The following PCDH11X variants were observed in gnomAD, a reference collection of about 807,000 sequenced individuals.
PCDH11X encodes protocadherin 11 X-linked.
Under a neutral mutation model 53.3 loss-of-function variants are expected in PCDH11X, and 18 were observed. That is an observed-to-expected ratio of 0.34 (90% confidence interval 0.23 to 0.50). The LOEUF (loss-of-function observed/expected upper bound fraction) is 0.50, where lower values mean the gene tolerates loss of function less well. Ranked by LOEUF, PCDH11X falls within the 20% of genes least tolerant of loss-of-function variation. The probability of loss-of-function intolerance (pLI) is 0.98; values close to 1 mark genes in which losing one functional copy is unlikely to be tolerated. For synonymous variants in PCDH11X, 279 were observed against 393.3 expected (o/e 0.71, Z 3.44); for missense variants, 570 against 1,032.4 (o/e 0.55, Z 6.14).
At chrX:92,580,655 T>C (rs1470573706) in intron 10 of PCDH11X, among the ~76,000 whole-genome samples, 1 of 111,049 alleles carries the variant, frequency 9.0e-6, no homozygotes, top group Non-Finnish European at 1.9e-5. Context: ...GGGATCTCAG[T>C]CATTTAGGCA....
Position 92,620,504 on chromosome X carries a change from TCCTA to T in PCDH11X, c.*1565_*1568del, listed in dbSNP as rs1928405969. The T allele has an allele frequency of 9.2e-6, 1 of 108,930 alleles. No homozygotes were observed. The highest frequency in any genetic ancestry group is 3.3e-5 in the African/African-American group (1 of 29,981). The allele number at this position is 108,930 out of a possible 1,213,427, so 9.0% of individuals were successfully genotyped here. On this transcript the variant is annotated 3_prime_UTR_variant, in exon 11 of 11. Transcript: ENST00000682573. ...TGGGGTGGGGGGGGGAGTCAATATC[TCCTA>T]TTGATTAACTTAGACATAGATTTTG... is the stretch of plus-strand genomic sequence containing the variant.
chrX:92,472,219 G>A (rs1423346467), intron 10 of PCDH11X, among the ~76,000 whole-genome samples: 1 of 110,135 alleles, frequency 9.1e-6, no homozygotes, highest in African/African-American at 3.3e-5. Flanking sequence ...TATCTTCCAG[G>A]AATTTTATAG....
chrX:92,307,123 G>A (rs1242129217), intron 8 of PCDH11X, among the ~76,000 whole-genome samples: 1 of 111,036 alleles, frequency 9.0e-6, no homozygotes, highest in Non-Finnish European at 1.9e-5. Flanking sequence ...TGTAAGGTCA[G>A]TGTGATCCTG....
At chrX:92,378,086 A>G (rs1348999672) in intron 8 of PCDH11X, among the ~76,000 whole-genome samples, 1 of 104,786 alleles carries the variant, frequency 9.5e-6, no homozygotes, top group Non-Finnish European at 2.0e-5. Flanking sequence ...AAGAGGGTAT[A>G]TGAGCAATAA....
At chrX:92,028,929 T>C (rs1408746321) in intron 6 of PCDH11X, among the ~76,000 whole-genome samples, 1 of 110,298 alleles carries the variant, frequency 9.1e-6, no homozygotes, top group Non-Finnish European at 1.9e-5. Context: ...CTGCAAATTG[T>C]GCCAGGTTGG....
chrX:92,003,135 CA>C (rs1435627948), intron 6 of PCDH11X, among the ~76,000 whole-genome samples: 1 of 104,189 alleles, frequency 9.6e-6, no homozygotes. Flanking sequence ...TTTTCAGGAT[CA>C]ATTGAAATGA....
intron 8 of PCDH11X, among the ~76,000 whole-genome samples, chrX:92,367,120 C>T (rs1392924046): frequency 1.8e-5 from 2 of 108,997 alleles, no homozygotes; most frequent in Admixed American, 9.8e-5. Context: ...ATTATTGTAT[C>T]GGAGTCTAAG....
intron 8 of PCDH11X, among the ~76,000 whole-genome samples, chrX:92,342,910 C>A (rs1476467337): frequency 2.7e-5 from 3 of 111,764 alleles, no homozygotes; most frequent in Non-Finnish European, 5.7e-5. Context: ...TTATATTATT[C>A]CATTTATCTT....
At chrX:92,081,787 A>G (rs374528969) in intron 6 of PCDH11X, among the ~76,000 whole-genome samples, 10 of 111,295 alleles carry the variant, frequency 9.0e-5, no homozygotes, top group East Asian at 5.7e-4. Flanking sequence ...AATTGGTTTC[A>G]TAGCAGAAGT....
intron 10 of PCDH11X, among the ~76,000 whole-genome samples, chrX:92,477,672 C>T (rs1488950136): frequency 1.1e-5 from 1 of 87,432 alleles, no homozygotes; most frequent in Admixed American, 1.3e-4. Flanking sequence ...GGAGTCTTGC[C>T]CCCTACACAC....
Position 91,959,246 on chromosome X carries a change from G to A in PCDH11X, c.3033+79973G>A, listed in dbSNP as rs572762950. 1.7e-4 allele frequency among the ~76,000 whole-genome samples: 19 copies of A among 108,756 alleles called. No homozygotes were observed. In the East Asian group the frequency reaches 2.6e-3, roughly 15 times the overall value. 94.4% of individuals were successfully genotyped at this position (108,756 alleles called of 115,157 possible). ...TATGTGTACATTGTGTGACTGTTAC[G>A]TCAAGTTAATTAACACATTCATCAC... On this transcript the variant is annotated intron_variant, in intron 6 of 10. Transcript: ENST00000682573.
At chrX:92,015,481 C>T (rs2062775485) in intron 6 of PCDH11X, among the ~76,000 whole-genome samples, 1 of 112,591 alleles carries the variant, frequency 8.9e-6, no homozygotes, top group Admixed American at 9.4e-5. Context: ...TCCTTTTATG[C>T]CCTGCCACTG....
intron 6 of PCDH11X, among the ~76,000 whole-genome samples, chrX:91,985,244 C>T (rs1423883832): frequency 1.8e-5 from 2 of 112,220 alleles, no homozygotes; most frequent in Non-Finnish European, 3.8e-5. Context: ...TGGTGGCTCA[C>T]GCTTGTAATC....
chrX:92,563,464 C>G (rs1921062574), intron 10 of PCDH11X, among the ~76,000 whole-genome samples: 1 of 107,706 alleles, frequency 9.3e-6, no homozygotes, highest in South Asian at 4.2e-4. Context: ...GGCCAGGAAG[C>G]ACATTCAAAT....
rs757564261 is a variant in PCDH11X at position 91,825,323 on chromosome X, C to T, written c.-44-10138C>T. ...CTCAGACTGCTGTGCTAGCAATCAG[C>T]GAGACTCCGTGGGCGTAGGACCTTC... is the stretch of plus-strand genomic sequence containing the variant. On this transcript the variant is annotated intron_variant, in intron 4 of 10. Transcript: ENST00000682573. Among the ~76,000 whole-genome samples the T allele has an allele frequency of 3.3e-3, 362 of 110,837 alleles. 3 individuals carry two copies. The highest frequency in any genetic ancestry group is 0.011 in the African/African-American group (333 of 30,175).
intron 8 of PCDH11X, among the ~76,000 whole-genome samples, chrX:92,308,771 G>T (rs922988020): frequency 2.7e-5 from 3 of 111,291 alleles, no homozygotes; most frequent in African/African-American, 9.8e-5. Context: ...AATAGCTAAA[G>T]TATTCCTACA....
intron 7 of PCDH11X, among the ~76,000 whole-genome samples, chrX:92,232,875 C>T (rs2067103960): frequency 9.0e-6 from 1 of 111,288 alleles, no homozygotes; most frequent in Non-Finnish European, 1.9e-5. Context: ...GCCACCACGC[C>T]CGGCTAATTT....
At chrX:92,177,225 G>C (rs888263559) in intron 6 of PCDH11X, among the ~76,000 whole-genome samples, 2 of 110,790 alleles carry the variant, frequency 1.8e-5, no homozygotes, top group Non-Finnish European at 3.8e-5. Context: ...CAATCTGCCT[G>C]CCTTGGCTTC....
At chrX:92,363,849 G>GT (rs772820124) in intron 8 of PCDH11X, among the ~76,000 whole-genome samples, 181 of 110,333 alleles carry the variant, frequency 1.6e-3, no homozygotes, top group African/African-American at 4.0e-3. Flanking sequence ...GGTTTAATGT[G>GT]TTTTTTTTAA....
Sources: allele counts gnomAD v4.1 joint callset (sites outside exome capture counted in the v4.1 genomes callset), GRCh38; gene constraint gnomAD v4.1.1; transcripts MANE v1.5; gene names NCBI Gene and HGNC (gene_info 2026-07-23, HGNC 2026-07-21).